Variants in TKFC observed in about 807,000 individuals in gnomAD.
The protein encoded by TKFC is triokinase/FMN cyclase.
Under a neutral mutation model 61.0 loss-of-function variants are expected in TKFC, and 46 were observed. That is an observed-to-expected ratio of 0.75 (90% CI 0.60 to 0.96). The LOEUF is 0.96. Among genes scored for constraint, TKFC ranks in the 50% least tolerant of loss-of-function variants. TKFC has a pLI of 0.00. For synonymous variants in TKFC, 314 were observed against 330.1 expected, an observed-to-expected ratio of 0.95 and a Z score of 0.53; for missense variants, 715 against 777.5, an observed-to-expected ratio of 0.92 and a Z score of 0.96.
At position 61,343,967 on chromosome 11, in the gene TKFC, C is replaced by T. The variant is rs989558344; in HGVS notation, c.1094C>T (p.Ala365Val). 2 of 1,611,094 alleles carry T rather than the reference C, an allele frequency of 1.2e-6. No individual in the cohort carries two copies. Among genetic ancestry groups the T allele is most frequent in the Non-Finnish European group, 1.7e-6 (2 of 1,179,916 alleles). The change falls in exon 12 of 18, where the codon GCT (alanine) becomes GTT (valine). Residue 365 changes from alanine to valine, a missense_variant. By Grantham distance (64) the Ala-to-Val change is moderately conservative. Transcript: ENST00000394900. ...AEPQEAPDST[A>V]AGGSASKRMA... Reference sequence around the variant, plus strand: ...CCCCAGGAGGCCCCTGATTCCACTGCTGCAGGAGGTACCAACCCCTGCCTT... The same window carrying T: ...CCCCAGGAGGCCCCTGATTCCACTGTTGCAGGAGGTACCAACCCCTGCCTT...
downstream of TKFC, chr11:61,349,965 T>G: frequency 2.2e-6 from 1 of 464,988 alleles, no homozygotes; most frequent in Non-Finnish European, 3.9e-6. Context: ...TCCCTAGGAG[T>G]CTTAAGAGGA....
In TKFC at chr11:61,342,875, A is replaced by G. The variant is rs371388363; in HGVS notation, c.865+31A>G. 5.0e-6 allele frequency: 8 copies of G among 1,609,186 alleles called. No homozygotes were observed. In the African/African-American group the frequency reaches 1.1e-4, roughly 22 times the overall value. On this transcript the variant is annotated intron_variant, in intron 10 of 17. Coordinates refer to ENST00000394900, the MANE Select transcript of TKFC (RefSeq NM_015533.4). The stretch of plus-strand genomic sequence containing the variant: ...CCATGCACTGGGAAGGGGATCCTAC[A>G]GCCCTTTGGAAAGGGCTGAGGGAGG...
chr11:61,345,893 G>T lies in TKFC; in HGVS notation c.1522G>T (p.Ala508Ser). The change falls in exon 17 of 18, where the codon GCC becomes TCC. Residue 508 changes from alanine to serine, a missense_variant. Coordinates refer to ENST00000394900, the MANE Select transcript of TKFC (RefSeq NM_015533.4). ...GTGGGCAGCGGGGCAGGAGCTCCAA[G>T]CCTGGAAGAGCCCAGGAGCTGATCT... ...SLWAAGQELQ[A>S]WKSPGADLLQ... 6.2e-7 allele frequency: 1 copy of T among 1,614,162 alleles called. No individual in the cohort carries two copies. The highest frequency in any genetic ancestry group is 1.1e-5 in the South Asian group (1 of 91,084).
downstream of TKFC, chr11:61,349,444 G>A (rs1399914985): frequency 4.5e-6 from 3 of 670,286 alleles, no homozygotes; most frequent in Admixed American, 6.1e-5. Flanking sequence ...CTGCCCAGCG[G>A]GAGGCAGGAA....
At chr11:61,350,780 A>T, downstream of TKFC, 1 of 672,262 alleles carries the variant, frequency 1.5e-6, no homozygotes, top group South Asian at 2.2e-5. Flanking sequence ...CTGTCTCCCA[A>T]TGGACAGACT....
intron 2 of TKFC, 63 bp from the exon 3 acceptor site, chr11:61,337,878 T>A (rs1856675637): frequency 1.4e-6 from 2 of 1,464,928 alleles, no homozygotes; most frequent in South Asian, 2.8e-5. Flanking sequence ...GCAGTGTGGC[T>A]GCGCAGGATG....
rs376310837 is a variant in TKFC, at chr11:61,339,260, C to T, written c.311C>T (p.Thr104Met). The change falls in exon 5 of 18, where the codon ACG (threonine) becomes ATG (methionine). Residue 104 changes from threonine to methionine, a missense_variant. Thr to Met is a moderately conservative substitution (Grantham distance 81). Coordinates refer to ENST00000394900, the MANE Select transcript of TKFC (RefSeq NM_015533.4). ...RAVAQAGTVG[T>M]LLIVKNYTGD... Reference sequence around the variant, plus strand: ...CTTCCGGCTGCTCCCGCAGTGGGGACGCTCCTTATCGTGAAGAACTACACT... The same window carrying T: ...CTTCCGGCTGCTCCCGCAGTGGGGATGCTCCTTATCGTGAAGAACTACACT... The T allele has an allele frequency of 2.8e-5, 45 of 1,612,534 alleles. No homozygotes were observed. The highest frequency in any genetic ancestry group is 4.4e-5 in the South Asian group (4 of 90,998).
chr11:61,345,960 G>A lies in TKFC; in HGVS notation c.1575+14G>A. 6.2e-7 allele frequency: 1 copy of A among 1,612,436 alleles called. No individual in the cohort carries two copies. The highest frequency in any genetic ancestry group is 8.5e-7 in the Non-Finnish European group (1 of 1,179,618). ...AAAGCAGTCAAGGTGAGTGAGGCTG[G>A]GCCCAGCCACCTGGGGAGACAGGCT... On this transcript the variant is annotated intron_variant, in intron 17 of 17. Transcript: ENST00000394900.
rs1336044433 is a variant in TKFC, at chr11:61,338,130, G to A, written c.193G>A (p.Gly65Ser). The change falls in exon 3 of 18, where the codon GGT (glycine) becomes AGT (serine). Residue 65 changes from glycine to serine, a missense_variant and splice_region_variant. Gly to Ser is a moderately conservative substitution (Grantham distance 56, BLOSUM62 0). Coordinates refer to ENST00000394900, the MANE Select transcript of TKFC (RefSeq NM_015533.4). ...GGSGHEPAHA[G>S]FIGKGMLTGV... Reference sequence around the variant, plus strand: ...CTCTGGCCATGAGCCTGCCCATGCTGGTGAGTATCCTGGGGTGGGGCAGGG... The same window carrying A: ...CTCTGGCCATGAGCCTGCCCATGCTAGTGAGTATCCTGGGGTGGGGCAGGG... The A allele has an allele frequency of 9.5e-6, 15 of 1,586,432 alleles. No homozygotes were observed. Among genetic ancestry groups the A allele is most frequent in the Non-Finnish European group, 1.2e-5 (14 of 1,171,108 alleles).
At position 61,345,697 on chromosome 11, in the gene TKFC, C is replaced by T. The variant is rs750615644; in HGVS notation, c.1452-15C>T. On this transcript the variant is annotated splice_polypyrimidine_tract_variant and intron_variant, in intron 15 of 17. Coordinates refer to ENST00000394900, the MANE Select transcript of TKFC (RefSeq NM_015533.4). ...TTCCCTATAGTGAGCCTCTTTCACT[C>T]TCTTTCCCTGCCAGGTATGGCAAGG... is the stretch of plus-strand genomic sequence containing the variant. 1 of 1,614,238 alleles carries T rather than the reference C, an allele frequency of 6.2e-7. No homozygotes were observed. Among genetic ancestry groups the T allele is most frequent in the Admixed American group, 1.7e-5 (1 of 60,032 alleles).
chr11:61,337,383 C>T (rs1471341812), intron 2 of TKFC, among the ~76,000 whole-genome samples: 1 of 152,214 alleles, frequency 6.6e-6, no homozygotes, highest in African/African-American at 2.4e-5. Context: ...TGGACTCAGG[C>T]GATCTGCCTG....
Position 61,339,189 on chromosome 11 carries a change from T to C in TKFC, c.304+13T>C. 1 of 1,613,150 alleles carries C rather than the reference T, an allele frequency of 6.2e-7. No individual in the cohort carries two copies. The highest frequency in any genetic ancestry group is 8.5e-7 in the Non-Finnish European group (1 of 1,179,576). On this transcript the variant is annotated intron_variant, in intron 4 of 17. Transcript: ENST00000394900. ...CAGGCCGGCACAGGTAAGCCTGGCATGCAGGAGGGGCTGCGGCAGGGAGGG... is the reference window on the plus strand; with the variant it reads ...CAGGCCGGCACAGGTAAGCCTGGCACGCAGGAGGGGCTGCGGCAGGGAGGG...
downstream of TKFC, chr11:61,352,699 C>A: frequency 1.3e-6 from 1 of 796,558 alleles, no homozygotes; most frequent in East Asian, 4.8e-5. Flanking sequence ...GACAACAATA[C>A]CAATCAATAC....
At position 61,342,633 on chromosome 11, in the gene TKFC, C is replaced by A. The variant is rs746419697; in HGVS notation, c.750C>A (p.Asn250Lys). ...LMLDHMTNTT[N>K]ASHVPVQPGS... The stretch of plus-strand genomic sequence containing the variant: ...TCGACCACATGACAAACACCACCAA[C>A]GCGTCCCATGTGCCTGTGCAGCCCG... The change falls in exon 9 of 18, where the codon AAC becomes AAA. Residue 250 changes from asparagine to lysine, a missense_variant. Physicochemically the swap from Asn to Lys is moderately conservative, Grantham distance 94 (BLOSUM62 0). Transcript: ENST00000394900. 3.1e-6 allele frequency: 5 copies of A among 1,614,104 alleles called. No individual in the cohort carries two copies. The highest frequency in any genetic ancestry group is 4.2e-6 in the Non-Finnish European group (5 of 1,180,032).
At chr11:61,341,167 T>C (rs1856833697) in intron 5 of TKFC, among the ~76,000 whole-genome samples, 1 of 152,182 alleles carries the variant, frequency 6.6e-6, no homozygotes, top group African/African-American at 2.4e-5. Flanking sequence ...TGTGTGACAT[T>C]GGACAAGTCA....
chr11:61,344,801 GA>G (rs1426235467), intron 13 of TKFC, among the ~76,000 whole-genome samples: 1 of 152,216 alleles, frequency 6.6e-6, no homozygotes, highest in Non-Finnish European at 1.5e-5. Flanking sequence ...CCAGACCAGT[GA>G]AAAGCTCTTA....
chr11:61,344,188 C>A lies in TKFC; in HGVS notation c.1155C>A (p.Leu385=). 1.2e-6 allele frequency: 2 copies of A among 1,612,616 alleles called. No individual in the cohort carries two copies. Among genetic ancestry groups the A allele is most frequent in the Non-Finnish European group, 1.7e-6 (2 of 1,180,026 alleles). Residue 385 remains leucine, a synonymous_variant, in exon 13 of 18, where the codon CTC becomes CTA. Coordinates refer to ENST00000394900, the MANE Select transcript of TKFC (RefSeq NM_015533.4). Reference sequence around the variant, plus strand: ...TGCTGGAACGGGTGTGCAGCACTCTCCTGGGCCTGGAGGAACACCTGAATG... The same window carrying A: ...TGCTGGAACGGGTGTGCAGCACTCTACTGGGCCTGGAGGAACACCTGAATG... ...ALVLERVCST[L]LGLEEHLNAL...
chr11:61,336,607 T>A (rs1005996279), intron 2 of TKFC, among the ~76,000 whole-genome samples: 1 of 152,142 alleles, frequency 6.6e-6, no homozygotes, highest in Admixed American at 6.5e-5. Flanking sequence ...GAATTTTAGC[T>A]CCCGACAATG....
intron 5 of TKFC, 45 bp from the exon 6 acceptor site, chr11:61,341,391 A>G (rs1020643882): frequency 1.9e-6 from 3 of 1,545,558 alleles, no homozygotes; most frequent in East Asian, 4.9e-5. Flanking sequence ...CACATGGTAC[A>G]GTGATACCCT....
Sources: gnomAD v4.1 joint callset for allele counts (sites outside exome capture counted in the v4.1 genomes callset) on GRCh38, gnomAD v4.1.1 for gene constraint, MANE v1.5 for transcripts, NCBI Gene and HGNC (gene_info 2026-07-23, HGNC 2026-07-21) for gene names.